Variants in FAM163B observed in about 807,000 individuals in gnomAD.
FAM163B encodes protein FAM163B.
A neutral mutation model predicts 7.6 loss-of-function variants in FAM163B; 4 were observed. That is an observed-to-expected ratio of 0.52 (90% CI 0.26 to 1.20). FAM163B has a LOEUF of 1.20. Ranked by LOEUF, FAM163B falls within the 50% of genes most tolerant of loss-of-function variation. FAM163B has a pLI of 0.14. For missense variants in FAM163B, 250 were observed against 243.0 expected, an observed-to-expected ratio of 1.03 and a Z score of -0.19; for synonymous variants, 120 against 111.6, an observed-to-expected ratio of 1.07 and a Z score of -0.47.
In FAM163B at chr9:133,577,813, G is replaced by A. The variant is rs1172225809; in HGVS notation, c.*1209C>T. ...GCATTTCTCTGGGGTAGCCATTGACGTCATTTCCTTAGCAGCAGGAGAGCG... is the reference window on the plus strand; with the variant it reads ...GCATTTCTCTGGGGTAGCCATTGACATCATTTCCTTAGCAGCAGGAGAGCG... On this transcript the variant is annotated 3_prime_UTR_variant, in exon 3 of 3. Transcript: ENST00000673969. 1.3e-5 allele frequency among the ~76,000 whole-genome samples: 2 copies of A among 152,206 alleles called. No homozygotes were observed. The highest frequency in any genetic ancestry group is 4.8e-5 in the African/African-American group (2 of 41,454).
intron 1 of FAM163B, among the ~76,000 whole-genome samples, chr9:133,595,710 C>T (rs1831622289): frequency 1.3e-5 from 2 of 152,186 alleles, no homozygotes; most frequent in Non-Finnish European, 2.9e-5. Context: ...CACTTTACAG[C>T]TTCCAGGCCA....
chr9:133,579,545 CCA>C, intron 2 of FAM163B, 116 bp from the exon 3 acceptor site: 1 of 1,334,874 alleles, frequency 7.5e-7, no homozygotes, highest in Non-Finnish European at 1.0e-6. Context: ...GTGGGGTGGC[CCA>C]AGCCCAGGCC....
intron 2 of FAM163B, among the ~76,000 whole-genome samples, chr9:133,579,705 G>A (rs898017698): frequency 9.9e-5 from 15 of 152,226 alleles, no homozygotes; most frequent in African/African-American, 2.4e-4. Context: ...AGACTGAGGC[G>A]TGGAGGGGTT....
chr9:133,603,111 G>C (rs953418429), intron 1 of FAM163B, among the ~76,000 whole-genome samples: 2 of 152,192 alleles, frequency 1.3e-5, no homozygotes, highest in Non-Finnish European at 2.9e-5. Flanking sequence ...GTTGCCTTAG[G>C]AAAGTTCCCT....
chr9:133,584,796 G>A (rs1357715238), intron 1 of FAM163B, among the ~76,000 whole-genome samples: 1 of 152,222 alleles, frequency 6.6e-6, no homozygotes, highest in African/African-American at 2.4e-5. Flanking sequence ...AGCCTCGGAG[G>A]CAGAGCCATG....
At position 133,581,157 on chromosome 9, in the gene FAM163B, C is replaced by T. The variant is rs534225015; in HGVS notation, c.-23-911G>A. Among the ~76,000 whole-genome samples the T allele has an allele frequency of 4.8e-3, 724 of 152,314 alleles. 4 individuals are homozygous for T. The highest frequency in any genetic ancestry group is 0.014 in the South Asian group (70 of 4,828). On this transcript the variant is annotated intron_variant, in intron 1 of 2. Transcript: ENST00000673969. ...TCAGTGGCTGCTGCATTCAGCTCAT[C>T]CCTGTCCTGGGCTGTGCTGATAAAC...
Position 133,578,841 on chromosome 9 carries a change from A to G in FAM163B, c.*181T>C. ...CTCCCCCCAGGACACATTTGTGTTCAATGAGCCTTATCCCTGCCACGAGCC... is the reference window on the plus strand; with the variant it reads ...CTCCCCCCAGGACACATTTGTGTTCGATGAGCCTTATCCCTGCCACGAGCC... On this transcript the variant is annotated 3_prime_UTR_variant, in exon 3 of 3. Transcript: ENST00000673969. The G allele has an allele frequency of 1.7e-6, 2 of 1,201,538 alleles. No homozygotes were observed. The highest frequency in any genetic ancestry group is 1.9e-5 in the South Asian group (1 of 53,784). The allele number at this position is 1,201,538 out of a possible 1,614,324, so 74.4% of individuals were successfully genotyped here. A position where few individuals can be genotyped will look rare whatever the true frequency, so the allele number is the denominator to read the frequency against.
At chr9:133,597,960 C>T (rs1831656060) in intron 1 of FAM163B, among the ~76,000 whole-genome samples, 1 of 152,164 alleles carries the variant, frequency 6.6e-6, no homozygotes, top group African/African-American at 2.4e-5. Context: ...TAGACTTGTC[C>T]AGGGGACAGG....
intron 1 of FAM163B, among the ~76,000 whole-genome samples, chr9:133,598,589 C>G (rs1227722923): frequency 7.2e-6 from 1 of 138,328 alleles, no homozygotes; most frequent in African/African-American, 2.6e-5. Context: ...CAGGCACCCG[C>G]TGCTGGTGGG....
intron 1 of FAM163B, among the ~76,000 whole-genome samples, chr9:133,597,058 A>G (rs770511756): frequency 3.7e-4 from 56 of 152,338 alleles, no homozygotes; most frequent in Middle Eastern, 6.8e-3. Context: ...CAATATAACA[A>G]TGAAGTGGAA....
chr9:133,597,616 C>T (rs1178483292), intron 1 of FAM163B, among the ~76,000 whole-genome samples: 1 of 152,046 alleles, frequency 6.6e-6, no homozygotes, highest in African/African-American at 2.4e-5. Flanking sequence ...ATATTATAAA[C>T]CCACAGATCC....
chr9:133,587,523 C>T (rs1471951955), intron 1 of FAM163B, among the ~76,000 whole-genome samples: 1 of 152,184 alleles, frequency 6.6e-6, no homozygotes, highest in South Asian at 2.1e-4. Context: ...TGTGCCAAAG[C>T]CTCCTGGGGG....
intron 1 of FAM163B, among the ~76,000 whole-genome samples, chr9:133,590,692 C>T (rs990096071): frequency 6.6e-6 from 1 of 152,146 alleles, no homozygotes; most frequent in Non-Finnish European, 1.5e-5. Context: ...GCCTGGAGTC[C>T]CAGGAGAGCC....
chr9:133,608,419 C>T (rs2131267959), intron 1 of FAM163B, among the ~76,000 whole-genome samples: 1 of 151,720 alleles, frequency 6.6e-6, no homozygotes, highest in Middle Eastern at 3.4e-3. Context: ...CTTTTCTTTT[C>T]TGGCTGAGGA....
intron 1 of FAM163B, among the ~76,000 whole-genome samples, chr9:133,582,261 C>T (rs1831367369): frequency 2.0e-5 from 3 of 152,194 alleles, no homozygotes; most frequent in African/African-American, 4.8e-5. Flanking sequence ...TGTTGTCTGC[C>T]CCAGCTTGCC....
chr9:133,597,610 T>C, intron 1 of FAM163B, among the ~76,000 whole-genome samples: 1 of 152,114 alleles, frequency 6.6e-6, no homozygotes, highest in East Asian at 1.9e-4. Context: ...TGGATGATAT[T>C]ATAAACCCAC....
chr9:133,605,110 G>A (rs747905162), intron 1 of FAM163B, among the ~76,000 whole-genome samples: 1 of 152,212 alleles, frequency 6.6e-6, no homozygotes, highest in Admixed American at 6.5e-5. Context: ...GCCACCTTAC[G>A]GCAGAGCCAG....
chr9:133,580,790 C>T (rs2131214066), intron 1 of FAM163B, among the ~76,000 whole-genome samples: 1 of 152,288 alleles, frequency 6.6e-6, no homozygotes, highest in South Asian at 2.1e-4. Context: ...TGGTAAAGCA[C>T]ACATAAAATG....
intron 1 of FAM163B, among the ~76,000 whole-genome samples, chr9:133,592,829 G>A (rs1831575094): frequency 6.6e-6 from 1 of 152,136 alleles, no homozygotes; most frequent in Non-Finnish European, 1.5e-5. Flanking sequence ...AGAGGATTCT[G>A]ACCGATGCTG....
Sources: gnomAD v4.1 joint callset for allele counts (sites outside exome capture counted in the v4.1 genomes callset) on GRCh38, gnomAD v4.1.1 for gene constraint, MANE v1.5 for transcripts, NCBI Gene and HGNC (gene_info 2026-07-23, HGNC 2026-07-21) for gene names.